ZFYVE28: variants seen among roughly 807,000 people sequenced by gnomAD.
ZFYVE28 encodes the protein zinc finger FYVE-type containing 28, also known as lateral signaling target protein 2 homolog.
ZFYVE28 carries 40 observed loss-of-function variants against 82.1 expected under a neutral mutation model. The observed-to-expected ratio is 0.49, with a 90% confidence interval of 0.38 to 0.63. The LOEUF is 0.63. ZFYVE28 is among the 30% of genes least tolerant of loss of function. The pLI, the probability that ZFYVE28 is intolerant of heterozygous loss-of-function variation, is 0.00. For synonymous variants in ZFYVE28, 612 were observed against 546.1 expected, an observed-to-expected ratio of 1.12 and a Z score of -1.68; for missense variants, 1,321 against 1,242.1, an observed-to-expected ratio of 1.06 and a Z score of -0.96.
chr4:2,309,783 C>G (rs954661263), intron 7 of ZFYVE28, among the ~76,000 whole-genome samples: 3 of 152,182 alleles, frequency 2.0e-5, no homozygotes, highest in African/African-American at 4.8e-5. Context: ...CGGACGAAAT[C>G]TGTTTCTATA....
At chr4:2,305,634 GAAC>G (rs1483152640) in intron 7 of ZFYVE28, 98 bp from the exon 8 acceptor site, 22 of 1,419,432 alleles carry the variant, frequency 1.5e-5, no homozygotes, top group African/African-American at 7.1e-5. Context: ...TGCACCAGCA[GAAC>G]AACAGCCAGG....
chr4:2,315,409 G>C (rs965705937), intron 7 of ZFYVE28, among the ~76,000 whole-genome samples: 5 of 152,054 alleles, frequency 3.3e-5, no homozygotes, highest in Non-Finnish European at 7.4e-5. Context: ...TCTCAGCTGG[G>C]ATTACAGGCG....
At chr4:2,324,134 G>A (rs764920582) in intron 6 of ZFYVE28, among the ~76,000 whole-genome samples, 7 of 152,120 alleles carry the variant, frequency 4.6e-5, no homozygotes, top group Non-Finnish European at 8.8e-5. Context: ...ATGCAATTGT[G>A]GGGGCTGGAA....
intron 8 of ZFYVE28, among the ~76,000 whole-genome samples, chr4:2,304,055 G>T (rs1047924468): frequency 3.3e-5 from 5 of 152,244 alleles, no homozygotes; most frequent in Admixed American, 2.6e-4. Context: ...CAGGGAAGCG[G>T]GCCCGCTGGC....
chr4:2,389,890 C>T (rs905055320), intron 1 of ZFYVE28, among the ~76,000 whole-genome samples: 5 of 152,166 alleles, frequency 3.3e-5, no homozygotes, highest in African/African-American at 1.2e-4. Flanking sequence ...AGCGTCCCCT[C>T]ACGGCATCCC....
chr4:2,333,463 G>T (rs968937218), intron 6 of ZFYVE28, among the ~76,000 whole-genome samples: 1 of 151,762 alleles, frequency 6.6e-6, no homozygotes, highest in African/African-American at 2.4e-5. Context: ...TTCTGCGGTC[G>T]CCTGTACTCG....
At chr4:2,380,183 A>G (rs1728589847) in intron 1 of ZFYVE28, among the ~76,000 whole-genome samples, 1 of 152,226 alleles carries the variant, frequency 6.6e-6, no homozygotes, top group African/African-American at 2.4e-5. Context: ...GGTGTCTCAT[A>G]GAAATGTAGT....
chr4:2,365,304 G>A (rs1216422811), intron 1 of ZFYVE28, among the ~76,000 whole-genome samples: 5 of 152,042 alleles, frequency 3.3e-5, no homozygotes, highest in South Asian at 2.1e-4. Flanking sequence ...GGGGCCGCGC[G>A]GCGCCTGTCA....
At chr4:2,322,025 C>G (rs1719155834) in intron 6 of ZFYVE28, among the ~76,000 whole-genome samples, 1 of 152,204 alleles carries the variant, frequency 6.6e-6, no homozygotes, top group African/African-American at 2.4e-5. Context: ...CCCAAGACCC[C>G]CTGGGCTGTG....
chr4:2,272,897 C>A lies in ZFYVE28; in HGVS notation c.2323+276G>T, dbSNP rs573314849. Among the ~76,000 whole-genome samples, 8 of 152,348 alleles carry A rather than the reference C, an allele frequency of 5.3e-5. No individual in the cohort carries two copies. The East Asian group carries it at 1.4e-3, about 26-fold the overall frequency. On this transcript the variant is annotated intron_variant, in intron 10 of 12. Transcript: ENST00000290974. ...TGTGGGCACAAGCCATGGGCCCTGG[C>A]CCATCTGCTCGTTTGCAGGGGTGGA...
chr4:2,336,037 A>G (rs1457022420), intron 5 of ZFYVE28, among the ~76,000 whole-genome samples: 1 of 152,232 alleles, frequency 6.6e-6, no homozygotes, highest in Non-Finnish European at 1.5e-5. Flanking sequence ...CCCATCTGCC[A>G]GTCCCCACCT....
rs1578358416 is a variant in ZFYVE28, at chr4:2,391,715, C to T, written c.39+26570G>A. Among the ~76,000 whole-genome samples, 7 of 149,540 alleles carry T rather than the reference C, an allele frequency of 4.7e-5. 2 individuals are homozygous for T. Among genetic ancestry groups the T allele is most frequent in the Admixed American group, 4.1e-4 (6 of 14,746 alleles). ...ATCTATAAATTTGACAGTTCTACGG[C>T]TTCCTGTAAGTCAATTCTCTCTCTC... is the stretch of plus-strand genomic sequence containing the variant. On this transcript the variant is annotated intron_variant, in intron 1 of 12. Coordinates refer to ENST00000290974, the MANE Select transcript of ZFYVE28 (RefSeq NM_020972.3).
chr4:2,411,816 C>T (rs1732549306), intron 1 of ZFYVE28, among the ~76,000 whole-genome samples: 1 of 152,220 alleles, frequency 6.6e-6, no homozygotes, highest in Non-Finnish European at 1.5e-5. Flanking sequence ...AAGTGCACCC[C>T]AGCCCCTTCC....
intron 8 of ZFYVE28, among the ~76,000 whole-genome samples, chr4:2,285,012 C>T (rs996530375): frequency 6.6e-6 from 1 of 152,228 alleles, no homozygotes; most frequent in African/African-American, 2.4e-5. Flanking sequence ...GAAACAGGGT[C>T]ATTGCAGGTG....
At chr4:2,322,859 C>T (rs572472609) in intron 6 of ZFYVE28, among the ~76,000 whole-genome samples, 7 of 152,262 alleles carry the variant, frequency 4.6e-5, no homozygotes, top group East Asian at 1.9e-4. Context: ...CCTTTGTGAC[C>T]GCTTTTCACT....
intron 7 of ZFYVE28, among the ~76,000 whole-genome samples, chr4:2,308,932 T>G (rs754198032): frequency 3.3e-5 from 5 of 152,230 alleles, no homozygotes; most frequent in African/African-American, 4.8e-5. Flanking sequence ...TAATAACATT[T>G]TATAACTTTC....
intron 8 of ZFYVE28, among the ~76,000 whole-genome samples, chr4:2,293,702 G>A (rs1178234018): frequency 3.7e-5 from 5 of 134,692 alleles, no homozygotes; most frequent in Admixed American, 2.6e-4. Flanking sequence ...GCAGTGAGCC[G>A]AGATCACACC....
chr4:2,332,393 C>A lies in ZFYVE28; in HGVS notation c.701+3312G>T, dbSNP rs1468155012. Among the ~76,000 whole-genome samples the A allele has an allele frequency of 6.6e-6, 1 of 152,126 alleles. No homozygotes were observed. Among genetic ancestry groups the A allele is most frequent in the Non-Finnish European group, 1.5e-5 (1 of 67,990 alleles). The stretch of plus-strand genomic sequence containing the variant: ...GCATACACCACCTGCACCAACGTGC[C>A]CCTGCCTGCCACCTGCACAGCTCCC... On this transcript the variant is annotated intron_variant, in intron 6 of 12. Transcript: ENST00000290974. The surrounding 1 kb of genome is among the most constrained non-coding windows in gnomAD (Gnocchi z 4.7).
chr4:2,298,223 C>T (rs1464819652), intron 8 of ZFYVE28, among the ~76,000 whole-genome samples: 3 of 139,216 alleles, frequency 2.2e-5, no homozygotes, highest in Non-Finnish European at 3.1e-5. Flanking sequence ...AGAGGATGAG[C>T]GGTGACAGTG....
Sources: allele counts gnomAD v4.1 joint callset (sites outside exome capture counted in the v4.1 genomes callset), GRCh38; gene constraint gnomAD v4.1.1; non-coding constraint Gnocchi (gnomAD v3.1); transcripts MANE v1.5; gene names NCBI Gene and HGNC (gene_info 2026-07-23, HGNC 2026-07-21).